The following OXR1 variants were observed in gnomAD, a reference collection of about 807,000 sequenced individuals.
OXR1 encodes the protein oxidation resistance 1, also known as oxidation resistance protein 1.
A neutral mutation model predicts 104.6 loss-of-function variants in OXR1; 41 were observed. That is an observed-to-expected ratio of 0.39 (90% CI 0.31 to 0.51). The LOEUF is 0.51. OXR1 is among the 20% of genes least tolerant of loss of function. The pLI, the probability that OXR1 is intolerant of heterozygous loss-of-function variation, is 0.77. For missense variants in OXR1, 955 were observed against 1,031.9 expected (o/e 0.93, Z 1.02); for synonymous variants, 348 against 348.4 (o/e 1.00, Z 0.01).
chr8:106,745,778 A>C lies in OXR1; in HGVS notation c.2413-11A>C. 7.2e-7 allele frequency: 1 copy of C among 1,384,002 alleles called. No individual in the cohort carries two copies. The highest frequency in any genetic ancestry group is 1.4e-5 in the African/African-American group (1 of 69,340). 85.7% of individuals were successfully genotyped at this position (1,384,002 alleles called of 1,614,324 possible). A position where few individuals can be genotyped will look rare whatever the true frequency, so the allele number is the denominator to read the frequency against. ...ATCTATATATTTAAAGCTTTTTTTA[A>C]ATTTATATAGGTCTTTAAGTGGACA... On this transcript the variant is annotated splice_polypyrimidine_tract_variant and intron_variant, in intron 15 of 16. Coordinates refer to ENST00000517566, the MANE Select transcript of OXR1 (RefSeq NM_001198533.2).
chr8:106,561,571 G>A (rs1475233539), intron 3 of OXR1, among the ~76,000 whole-genome samples: 1 of 152,176 alleles, frequency 6.6e-6, no homozygotes, highest in Non-Finnish European at 1.5e-5. Context: ...AAACGTTCCT[G>A]TCTGCTGGCT....
intron 1 of OXR1, among the ~76,000 whole-genome samples, chr8:106,329,943 A>G (rs974946621): frequency 7.2e-5 from 11 of 151,796 alleles, no homozygotes; most frequent in African/African-American, 2.2e-4. Context: ...TATTCACCAC[A>G]GCATTTGGCA....
At chr8:106,525,328 G>A (rs187305713) in intron 3 of OXR1, among the ~76,000 whole-genome samples, 1 of 152,322 alleles carries the variant, frequency 6.6e-6, no homozygotes, top group East Asian at 1.9e-4. Context: ...GAGGTTAGGA[G>A]ATTTGTCTAA....
intron 3 of OXR1, among the ~76,000 whole-genome samples, chr8:106,667,187 T>G (rs1390544192): frequency 6.6e-6 from 1 of 152,202 alleles, no homozygotes; most frequent in Non-Finnish European, 1.5e-5. Context: ...AAGATCTGAT[T>G]ATAATCAAAG....
Position 106,737,527 on chromosome 8 carries a change from C to A in OXR1, c.1964C>A (p.Ser655Ter). 8.5e-7 allele frequency: 1 copy of A among 1,177,932 alleles called. No individual in the cohort carries two copies. Among genetic ancestry groups the A allele is most frequent in the Non-Finnish European group, 1.1e-6 (1 of 928,140 alleles). The allele number at this position is 1,177,932 out of a possible 1,614,324, so 73.0% of individuals were successfully genotyped here. The change falls in exon 12 of 17, where the codon TCA (serine) becomes TAA (stop). Residue 655 changes from serine (S) to a stop codon, truncating the protein, a stop_gained. Transcript: ENST00000517566. LOFTEE classifies it high-confidence loss of function. ...QAAAREWEVV[S>*]VAEYHRRIDA... ...TCCTGTCTCCATATTTAGGTAGTGT[C>A]AGTGGCTGAGTATCACCGCAGGATC...
At chr8:106,314,106 A>G (rs540372293) in intron 1 of OXR1, among the ~76,000 whole-genome samples, 36 of 152,310 alleles carry the variant, frequency 2.4e-4, no homozygotes, top group African/African-American at 7.7e-4. Context: ...ACTGCAGGTC[A>G]CCAGAGAGCA....
chr8:106,369,990 G>T (rs1268216271), intron 2 of OXR1, among the ~76,000 whole-genome samples: 1 of 152,186 alleles, frequency 6.6e-6, no homozygotes, highest in East Asian at 1.9e-4. Context: ...ACTTCGGGCT[G>T]TTTGGCCATT....
At chr8:106,740,275 C>T (rs895413044) in intron 13 of OXR1, 68 bp from the exon 14 acceptor site, 2 of 1,182,008 alleles carry the variant, frequency 1.7e-6, no homozygotes, top group Non-Finnish European at 2.4e-6. Flanking sequence ...TACATTCCAG[C>T]TGGCATTAGT....
chr8:106,557,675 A>G (rs1171756142), intron 3 of OXR1, among the ~76,000 whole-genome samples: 1 of 152,114 alleles, frequency 6.6e-6, no homozygotes, highest in East Asian at 1.9e-4. Flanking sequence ...GGGACTTAGC[A>G]TTTATTCGCT....
At chr8:106,508,197 G>C (rs1812292875) in intron 2 of OXR1, among the ~76,000 whole-genome samples, 1 of 152,198 alleles carries the variant, frequency 6.6e-6, no homozygotes, top group Admixed American at 6.5e-5. Flanking sequence ...TAGGTTTAGA[G>C]AACATGTGGA....
At chr8:106,549,497 G>A (rs1048766174) in intron 3 of OXR1, among the ~76,000 whole-genome samples, 1 of 152,074 alleles carries the variant, frequency 6.6e-6, no homozygotes, top group South Asian at 2.1e-4. Context: ...GACACAAAGG[G>A]TTTTTTCTTA....
Position 106,706,414 on chromosome 8 carries a change from G to T in OXR1, c.893G>T (p.Cys298Phe), listed in dbSNP as rs751760987. The part of the protein sequence containing the change: ...DIDQLSGRDF[C>F]HSKKMTGSNT... ...GATCAGCTATCAGGAAGGGACTTCTGCCATTCAAAGAAAATGACAGGAAGT... is the reference window on the plus strand; with the variant it reads ...GATCAGCTATCAGGAAGGGACTTCTTCCATTCAAAGAAAATGACAGGAAGT... Residue 298 changes from cysteine (C) to phenylalanine (F), a missense_variant, in exon 9 of 17, where the codon TGC becomes TTC. Cys to Phe is a radical substitution (Grantham distance 205, BLOSUM62 -2). Coordinates refer to ENST00000517566, the MANE Select transcript of OXR1 (RefSeq NM_001198533.2). 3.2e-6 allele frequency: 5 copies of T among 1,583,848 alleles called. No homozygotes were observed. Among genetic ancestry groups the T allele is most frequent in the Non-Finnish European group, 4.3e-6 (5 of 1,171,544 alleles).
At chr8:106,583,022 T>C (rs1261697685) in intron 3 of OXR1, among the ~76,000 whole-genome samples, 2 of 152,226 alleles carry the variant, frequency 1.3e-5, no homozygotes, top group African/African-American at 2.4e-5. Flanking sequence ...TTTAAACTTA[T>C]TCCTATTGAT....
intron 3 of OXR1, among the ~76,000 whole-genome samples, chr8:106,562,300 A>G (rs34335614): frequency 0.022 from 3,349 of 152,158 alleles, 67 homozygotes; most frequent in Admixed American, 0.049. Flanking sequence ...GAGCTGAAAA[A>G]CAGCACAAGA....
intron 3 of OXR1, among the ~76,000 whole-genome samples, chr8:106,613,023 G>A (rs937140862): frequency 6.6e-6 from 1 of 152,110 alleles, no homozygotes; most frequent in Non-Finnish European, 1.5e-5. Flanking sequence ...GGGAAAACAG[G>A]AGGCAAGTTG....
chr8:106,371,250 C>T (rs112598763), intron 2 of OXR1, among the ~76,000 whole-genome samples: 7,103 of 151,650 alleles, frequency 0.047, 512 homozygotes, highest in African/African-American at 0.16. Flanking sequence ...TAGTGATATC[C>T]CTTTATCTTT....
chr8:106,379,492 T>C (rs954738825), intron 2 of OXR1, among the ~76,000 whole-genome samples: 3 of 151,900 alleles, frequency 2.0e-5, no homozygotes, highest in Admixed American at 2.0e-4. Flanking sequence ...TATACAAGTT[T>C]ACTATAATAA....
At chr8:106,614,707 C>T (rs1387665041) in intron 3 of OXR1, among the ~76,000 whole-genome samples, 1 of 151,906 alleles carries the variant, frequency 6.6e-6, no homozygotes, top group African/African-American at 2.4e-5. Context: ...GAACAAATGG[C>T]CAAATATTGG....
At chr8:106,335,789 A>G (rs1814936031) in intron 1 of OXR1, among the ~76,000 whole-genome samples, 1 of 152,064 alleles carries the variant, frequency 6.6e-6, no homozygotes, top group Admixed American at 6.6e-5. Flanking sequence ...GACACATGAG[A>G]TATAAATTAA....
Sources: allele counts gnomAD v4.1 joint callset (sites outside exome capture counted in the v4.1 genomes callset), GRCh38; gene constraint gnomAD v4.1.1; transcripts MANE v1.5; gene names NCBI Gene and HGNC (gene_info 2026-07-23, HGNC 2026-07-21).